Variants in TEX264 observed in about 807,000 individuals in gnomAD.
TEX264 encodes testis-expressed protein 264.
In TEX264, 13 loss-of-function variants were observed where a neutral mutation model predicts 23.4. The observed-to-expected ratio is 0.56, with a 90% CI of 0.36 to 0.88. TEX264 has a LOEUF of 0.88. TEX264 is among the 40% of genes least tolerant of loss of function. The pLI, the probability that TEX264 is intolerant of heterozygous loss-of-function variation, is 0.01. For missense variants in TEX264, 340 were observed against 406.8 expected, an observed-to-expected ratio of 0.84 and a Z score of 1.41; for synonymous variants, 159 against 170.0, an observed-to-expected ratio of 0.94 and a Z score of 0.50.
At chr3:51,690,156 C>A (rs1181605439) in intron 3 of TEX264, among the ~76,000 whole-genome samples, 1 of 152,170 alleles carries the variant, frequency 6.6e-6, no homozygotes, top group Non-Finnish European at 1.5e-5. Flanking sequence ...CCTCAGTGAC[C>A]CTGAGGGAGT....
chr3:51,683,004 G>T, intron 2 of TEX264: 1 of 152,692 alleles, frequency 6.5e-6, no homozygotes. Context: ...GGCTTGGAAA[G>T]GGCTGTAATG....
At chr3:51,690,770 A>G (rs934692691) in intron 3 of TEX264, among the ~76,000 whole-genome samples, 1 of 152,142 alleles carries the variant, frequency 6.6e-6, no homozygotes, top group Admixed American at 6.5e-5. Flanking sequence ...TGTTCTGCGC[A>G]TGGAGGAACC....
At chr3:51,694,156 T>C (rs959624583) in intron 3 of TEX264, among the ~76,000 whole-genome samples, 2 of 142,592 alleles carry the variant, frequency 1.4e-5, no homozygotes, top group African/African-American at 5.1e-5. Flanking sequence ...TCCTTCTTTC[T>C]TGTTTTGCTC....
intron 3 of TEX264, among the ~76,000 whole-genome samples, chr3:51,692,185 G>T (rs946206497): frequency 6.6e-6 from 1 of 152,220 alleles, no homozygotes; most frequent in Non-Finnish European, 1.5e-5. Context: ...TGTGGGGTTG[G>T]GCTGTCACCA....
intron 3 of TEX264, among the ~76,000 whole-genome samples, chr3:51,696,057 G>A (rs1210670224): frequency 2.0e-5 from 3 of 152,184 alleles, no homozygotes; most frequent in African/African-American, 4.8e-5. Flanking sequence ...CCTGTTAGGT[G>A]GAGAGGAATG....
Position 51,698,664 on chromosome 3 carries a change from A to G in TEX264, c.481-742A>G, listed in dbSNP as rs557706473. 3.3e-5 allele frequency among the ~76,000 whole-genome samples: 5 copies of G among 152,218 alleles called. No individual in the cohort carries two copies. In the East Asian group the frequency reaches 9.7e-4, roughly 29 times the overall value. On this transcript the variant is annotated intron_variant, in intron 3 of 4. Coordinates refer to ENST00000341333, the MANE Select transcript of TEX264 (RefSeq NM_015926.6). ...AGGTGGTACATCAGCCCACTGGGTAATGTCCTGTGCTAGATCTACTTGTCC... is the reference window on the plus strand; with the variant it reads ...AGGTGGTACATCAGCCCACTGGGTAGTGTCCTGTGCTAGATCTACTTGTCC...
chr3:51,673,154 G>C (rs1319093509), intron 1 of TEX264, among the ~76,000 whole-genome samples: 1 of 152,198 alleles, frequency 6.6e-6, no homozygotes, highest in Non-Finnish European at 1.5e-5. Context: ...CCACAAAGTT[G>C]CAGCGTGGCC....
chr3:51,696,791 G>C (rs1703075222), intron 3 of TEX264, among the ~76,000 whole-genome samples: 1 of 152,200 alleles, frequency 6.6e-6, no homozygotes, highest in Admixed American at 6.5e-5. Flanking sequence ...GGTAGGACCT[G>C]GTGCATGTGC....
intron 3 of TEX264, among the ~76,000 whole-genome samples, chr3:51,694,188 G>A (rs1320401758): frequency 6.7e-6 from 1 of 150,260 alleles, no homozygotes; most frequent in African/African-American, 2.5e-5. Context: ...CTGGAGTGCA[G>A]TGGCGCGATC....
intron 4 of TEX264, among the ~76,000 whole-genome samples, chr3:51,702,564 A>G (rs1399320181): frequency 1.3e-5 from 2 of 152,214 alleles, no homozygotes; most frequent in Non-Finnish European, 1.5e-5. Context: ...CCAGGCGCCA[A>G]GCAGACCCCA....
At chr3:51,695,663 G>T (rs1035615433) in intron 3 of TEX264, among the ~76,000 whole-genome samples, 11 of 152,216 alleles carry the variant, frequency 7.2e-5, no homozygotes, top group Admixed American at 5.2e-4. Flanking sequence ...TGAGCTGAAT[G>T]GGGTAAATGC....
chr3:51,684,612 C>G lies in TEX264; in HGVS notation c.458C>G (p.Pro153Arg). Reference protein sequence around the residue: ...SIWLATRRVHPALDTYIKERK... With the variant: ...SIWLATRRVHRALDTYIKERK... ...TGGCTGGCTACCCGCCGTGTCCATCCTGCCTTGGACACCTACATCAAGGTG... is the reference window on the plus strand; with the variant it reads ...TGGCTGGCTACCCGCCGTGTCCATCGTGCCTTGGACACCTACATCAAGGTG... Residue 153 changes from proline (P) to arginine (R), a missense_variant, in exon 3 of 5, where the codon CCT becomes CGT. By Grantham distance (103) the Pro-to-Arg change is moderately radical (BLOSUM62 -2). Transcript: ENST00000341333. The G allele has an allele frequency of 1.2e-6, 2 of 1,614,218 alleles. No homozygotes were observed. Among genetic ancestry groups the G allele is most frequent in the African/African-American group, 2.7e-5 (2 of 75,058 alleles).
Position 51,691,798 on chromosome 3 carries a change from CCA to C in TEX264, c.480+7167_480+7168del, listed in dbSNP as rs1264557252. Among the ~76,000 whole-genome samples the C allele has an allele frequency of 1.4e-4, 21 of 152,182 alleles. No homozygotes were observed. The highest frequency in any genetic ancestry group is 1.4e-3 in the Admixed American group (21 of 15,286). On this transcript the variant is annotated intron_variant, in intron 3 of 4. Transcript: ENST00000341333. The surrounding 1 kb of genome is among the most constrained non-coding windows in gnomAD (Gnocchi z 4.4). ...GGAGATGGGGAGGAAGAGCCAGAGG[CCA>C]CAGTCAAATTCTGCACAAAGATAAT...
chr3:51,689,027 G>T (rs1405024969), intron 3 of TEX264, among the ~76,000 whole-genome samples: 2 of 152,150 alleles, frequency 1.3e-5, no homozygotes, highest in Non-Finnish European at 2.9e-5. Flanking sequence ...GCTGAGGTGG[G>T]AGGATCGCTT....
At chr3:51,688,865 G>A (rs1318683504) in intron 3 of TEX264, among the ~76,000 whole-genome samples, 3 of 152,170 alleles carry the variant, frequency 2.0e-5, no homozygotes, top group African/African-American at 7.2e-5. Context: ...GGTGGCTCAT[G>A]CCTGTAATCC....
At chr3:51,683,191 G>A (rs532044309) in intron 2 of TEX264, 3 of 152,388 alleles carry the variant, frequency 2.0e-5, no homozygotes, top group Admixed American at 6.5e-5. Context: ...GGAGCCTTTA[G>A]AGTTGAGCAA....
At chr3:51,674,122 CTG>C in intron 1 of TEX264, 147 bp from the exon 2 acceptor site, 3 of 704,670 alleles carry the variant, frequency 4.3e-6, no homozygotes, top group Non-Finnish European at 7.0e-6. Context: ...CCAGGTCACT[CTG>C]TGTGTAAACA....
At chr3:51,698,449 C>T (rs1419163051) in intron 3 of TEX264, among the ~76,000 whole-genome samples, 1 of 152,140 alleles carries the variant, frequency 6.6e-6, no homozygotes, top group African/African-American at 2.4e-5. Flanking sequence ...TATTTGTGCT[C>T]CTTCGCAGGA....
chr3:51,684,779 A>G, intron 3 of TEX264, 145 bp downstream of exon 3: 1 of 730,446 alleles, frequency 1.4e-6, no homozygotes, highest in Non-Finnish European at 2.3e-6. Flanking sequence ...CTGTGGAGCT[A>G]GGAAGATGGG....
Sources: allele counts gnomAD v4.1 joint callset (sites outside exome capture counted in the v4.1 genomes callset), GRCh38; gene constraint gnomAD v4.1.1; non-coding constraint Gnocchi (gnomAD v3.1); transcripts MANE v1.5; gene names NCBI Gene and HGNC (gene_info 2026-07-23, HGNC 2026-07-21).